Variants in ZNF385D observed in about 807,000 individuals in gnomAD.
ZNF385D encodes the protein zinc finger protein 659.
In ZNF385D, 15 loss-of-function variants were observed where a neutral mutation model predicts 35.8. The ratio of observed to expected loss-of-function variants is 0.42; its 90% CI spans 0.28 to 0.64. The LOEUF is 0.64. ZNF385D is among the 30% of genes least tolerant of loss of function. ZNF385D has a pLI of 0.23. For synonymous variants in ZNF385D, 212 were observed against 186.8 expected, an observed-to-expected ratio of 1.13 and a Z score of -1.10; for missense variants, 474 against 494.6, an observed-to-expected ratio of 0.96 and a Z score of 0.39.
At chr3:21,980,781 C>G (rs1458476034) in intron 3 of ZNF385D, among the ~76,000 whole-genome samples, 1 of 152,108 alleles carries the variant, frequency 6.6e-6, no homozygotes, top group Admixed American at 6.6e-5. Flanking sequence ...AAGTTCTTAT[C>G]ATTTGGCTCC....
intron 1 of ZNF385D, among the ~76,000 whole-genome samples, chr3:21,727,209 C>A (rs1231358183): frequency 1.3e-5 from 2 of 152,072 alleles, no homozygotes; most frequent in African/African-American, 4.8e-5. Flanking sequence ...AGACCTAAAA[C>A]CATAAAAATT....
chr3:21,901,362 A>G (rs961057787), intron 3 of ZNF385D, among the ~76,000 whole-genome samples: 1 of 152,130 alleles, frequency 6.6e-6, no homozygotes, highest in African/African-American at 2.4e-5. Context: ...TTATCTCCAA[A>G]GTTTGGAAGC....
intron 3 of ZNF385D, among the ~76,000 whole-genome samples, chr3:21,826,337 T>C (rs552981054): frequency 1.3e-5 from 2 of 152,172 alleles, no homozygotes; most frequent in Non-Finnish European, 2.9e-5. Flanking sequence ...TTGGGCTGCA[T>C]AGAATATTAC....
At chr3:21,993,208 C>A (rs1497926) in intron 3 of ZNF385D, among the ~76,000 whole-genome samples, 17,278 of 152,196 alleles carry the variant, frequency 0.11, 1,257 homozygotes, top group Non-Finnish European at 0.16. Flanking sequence ...CTGTCTCTGT[C>A]GGCCTCCTTC....
At chr3:21,555,666 G>T (rs1482140616) in intron 3 of ZNF385D, among the ~76,000 whole-genome samples, 1 of 152,110 alleles carries the variant, frequency 6.6e-6, no homozygotes, top group African/African-American at 2.4e-5. Context: ...TAGTGCCGCA[G>T]TAAACATGCG....
chr3:22,331,461 G>C (rs958947629), intron 2 of ZNF385D, among the ~76,000 whole-genome samples: 2 of 152,052 alleles, frequency 1.3e-5, no homozygotes, highest in East Asian at 3.8e-4. Context: ...AGCTATATAT[G>C]ACCATAACAT....
chr3:21,955,627 G>A (rs1023069916), intron 3 of ZNF385D, among the ~76,000 whole-genome samples: 3 of 152,104 alleles, frequency 2.0e-5, no homozygotes, highest in Admixed American at 1.3e-4. Context: ...CCTAAATTTT[G>A]CAATCTGTTC....
At chr3:22,088,389 G>T (rs1871522) in intron 3 of ZNF385D, among the ~76,000 whole-genome samples, 94,152 of 152,090 alleles carry the variant, frequency 0.62, 29,816 homozygotes, top group Non-Finnish European at 0.68. Context: ...CACTCAGTCT[G>T]GTGAGCCACT....
intron 3 of ZNF385D, among the ~76,000 whole-genome samples, chr3:21,860,074 G>C (rs1466654275): frequency 1.3e-5 from 2 of 151,978 alleles, no homozygotes; most frequent in Non-Finnish European, 2.9e-5. Context: ...GGCTCTTTTA[G>C]GGTTAAAAAA....
At chr3:22,043,472 AAATTT>A (rs1364315998) in intron 3 of ZNF385D, among the ~76,000 whole-genome samples, 1 of 151,944 alleles carries the variant, frequency 6.6e-6, no homozygotes, top group Non-Finnish European at 1.5e-5. Context: ...TATAATTATC[AAATTT>A]ATTTATGTAA....
At chr3:21,446,334 G>A (rs562695381) in intron 4 of ZNF385D, among the ~76,000 whole-genome samples, 24 of 152,112 alleles carry the variant, frequency 1.6e-4, no homozygotes, top group Admixed American at 3.9e-4. Flanking sequence ...TTGTTTTCCT[G>A]AGGGAACTGA....
chr3:21,960,915 G>T (rs1364079430), intron 3 of ZNF385D, among the ~76,000 whole-genome samples: 1 of 152,050 alleles, frequency 6.6e-6, no homozygotes, highest in African/African-American at 2.4e-5. Context: ...GGGTATTAGA[G>T]GATATGGAGA....
chr3:22,342,276 CAAAAAAA>C (rs766689054), intron 2 of ZNF385D, among the ~76,000 whole-genome samples: 1 of 53,508 alleles, frequency 1.9e-5, no homozygotes, highest in Non-Finnish European at 3.8e-5. Context: ...GACTCCGCCT[CAAAAAAA>C]AAAAAAAAAA....
chr3:22,233,323 AG>A (rs1193453331), intron 2 of ZNF385D, among the ~76,000 whole-genome samples: 1 of 132,654 alleles, frequency 7.5e-6, no homozygotes, highest in Non-Finnish European at 1.5e-5. Context: ...CAGACACAAA[AG>A]GGTAAGTACT....
intron 3 of ZNF385D, among the ~76,000 whole-genome samples, chr3:21,816,066 A>G (rs1336471989): frequency 6.6e-6 from 1 of 152,188 alleles, no homozygotes; most frequent in East Asian, 1.9e-4. Context: ...TATAAACAGA[A>G]CCAAAGACAA....
At chr3:21,908,673 T>C (rs1699815013) in intron 3 of ZNF385D, among the ~76,000 whole-genome samples, 1 of 152,022 alleles carries the variant, frequency 6.6e-6, no homozygotes, top group South Asian at 2.1e-4. Flanking sequence ...GATTCAAGAA[T>C]GACAGAAGAA....
intron 3 of ZNF385D, among the ~76,000 whole-genome samples, chr3:21,934,616 T>G (rs1376452847): frequency 6.6e-6 from 1 of 152,090 alleles, no homozygotes; most frequent in African/African-American, 2.4e-5. Flanking sequence ...CACAAAGACA[T>G]TAGAAATAGA....
chr3:21,990,094 G>T (rs1576099387), intron 3 of ZNF385D, among the ~76,000 whole-genome samples: 2 of 152,184 alleles, frequency 1.3e-5, no homozygotes, highest in East Asian at 3.9e-4. Flanking sequence ...GTTTCACAGG[G>T]CCTTTGTCAA....
rs567203423 is a variant in ZNF385D at position 22,090,738 on chromosome 3, C to T, written c.325+78079G>A. Among the ~76,000 whole-genome samples the T allele has an allele frequency of 3.3e-5, 5 of 152,232 alleles. No homozygotes were observed. In the East Asian group the frequency reaches 7.7e-4, roughly 24 times the overall value. ...TCTTGATACTTGGAAGGGGGACATA[C>T]GTTTGAACCAAATGAAATTGACAAC... On this transcript the variant is annotated intron_variant, in intron 3 of 5. Transcript: ENST00000494108.
Sources: gnomAD v4.1 joint callset for allele counts (sites outside exome capture counted in the v4.1 genomes callset) on GRCh38, gnomAD v4.1.1 for gene constraint, MANE v1.5 for transcripts, NCBI Gene and HGNC (gene_info 2026-07-23, HGNC 2026-07-21) for gene names.